ABCA12: variants seen among roughly 807,000 people sequenced by gnomAD.
The protein encoded by ABCA12 is ATP binding cassette subfamily A member 12.
ABCA12 carries 156 observed loss-of-function variants against 293.5 expected under a neutral mutation model. That is an observed-to-expected ratio of 0.53 (90% CI 0.47 to 0.61). The LOEUF is 0.61. ABCA12 is among the 20% of genes least tolerant of loss of function. The pLI is 0.00. For synonymous variants in ABCA12, 1,063 were observed against 1,108.0 expected (o/e 0.96, Z 0.81); for missense variants, 2,797 against 3,090.2 (o/e 0.91, Z 2.25).
intron 39 of ABCA12, chr2:214,962,609 A>G (rs1425367974): frequency 6.6e-6 from 1 of 152,182 alleles, no homozygotes; most frequent in Non-Finnish European, 1.5e-5. Flanking sequence ...AAAACAACAG[A>G]ATGTACATTT....
chr2:215,032,706 T>C (rs1700905701), intron 8 of ABCA12: 1 of 152,006 alleles, frequency 6.6e-6, no homozygotes, highest in Non-Finnish European at 1.5e-5. Context: ...TTCAGCTCCT[T>C]TAGGGAAATG....
In ABCA12 at chr2:214,944,944, T is replaced by C. The variant is rs1249095071; in HGVS notation, c.7343+57A>G. ...ATTTATGTTATACAGGATTACCTTT[T>C]CCCACCTGTCATCCTAAGACTGTGT... is the stretch of plus-strand genomic sequence containing the variant. On this transcript the variant is annotated intron_variant, in intron 49 of 52. Transcript: ENST00000272895. 4.3e-6 allele frequency: 6 copies of C among 1,399,354 alleles called. No homozygotes were observed. The Admixed American group carries it at 1.0e-4, about 24-fold the overall frequency. 86.7% of individuals were successfully genotyped at this position (1,399,354 alleles called of 1,614,324 possible). A position where few individuals can be genotyped will look rare whatever the true frequency, so the allele number is the denominator to read the frequency against.
rs753476988 is a variant in ABCA12 at position 215,049,645 on chromosome 2, A to G, written c.674T>C (p.Leu225Pro). Residue 225 changes from leucine to proline, a missense_variant, in exon 6 of 53, where the codon CTA becomes CCA. By Grantham distance (98) the Leu-to-Pro change is moderately conservative. Around this residue, in one of 3 missense-constraint regions of ABCA12, gnomAD observed 656 missense variants for 638.2 expected, o/e 1.03. Coordinates refer to ENST00000272895, the MANE Select transcript of ABCA12 (RefSeq NM_173076.3). ...MTLLESSLQE[L>P]NKQFSQLSSD... ...ACTCACCTGGGAGAACTGTTTGTTTAGTTCTTGGAGAGAAGACTCTAAAAG... is the reference window on the plus strand; with the variant it reads ...ACTCACCTGGGAGAACTGTTTGTTTGGTTCTTGGAGAGAAGACTCTAAAAG... The G allele has an allele frequency of 1.4e-5, 22 of 1,613,300 alleles. No homozygotes were observed. The Admixed American group carries it at 3.5e-4, about 26-fold the overall frequency.
At position 214,937,729 on chromosome 2, in the gene ABCA12, A is replaced by G. The variant is rs938083757; in HGVS notation, c.7437-114T>C. ...CCAACCATTATATCACCTTTTCTTTATATGAAGACTATCATTTTGCCATAA... is the reference window on the plus strand; with the variant it reads ...CCAACCATTATATCACCTTTTCTTTGTATGAAGACTATCATTTTGCCATAA... On this transcript the variant is annotated intron_variant, in intron 50 of 52. Transcript: ENST00000272895. 5.8e-5 allele frequency: 43 copies of G among 738,420 alleles called. 1 individual carries two copies. The highest frequency in any genetic ancestry group is 3.6e-4 in the Middle Eastern group (1 of 2,748). 45.7% of individuals were successfully genotyped at this position (738,420 alleles called of 1,614,324 possible). A position where few individuals can be genotyped will look rare whatever the true frequency, so the allele number is the denominator to read the frequency against.
At chr2:215,020,342 G>A (rs1004145038) in intron 11 of ABCA12, among the ~76,000 whole-genome samples, 8 of 149,832 alleles carry the variant, frequency 5.3e-5, no homozygotes, top group Admixed American at 5.3e-4. Flanking sequence ...ACCTTAAAAA[G>A]GAAAGAAATT....
rs1701592505 is a variant in ABCA12 at position 215,064,169 on chromosome 2, G to C, written c.214C>G (p.Gln72Glu). The change falls in exon 3 of 53, where the codon CAG becomes GAG. Residue 72 changes from glutamine to glutamate, a missense_variant. Around this residue, in one of 3 missense-constraint regions of ABCA12, gnomAD observed 656 missense variants for 638.2 expected, o/e 1.03. Transcript: ENST00000272895. ...LPSTGFFPFL[Q>E]TLLCDTDSKC... ...GAGTCTGTGTCACAGAGTAGGGTCT[G>C]CAGGAATGGAAAGAATCCAGTACTA... 1 of 1,612,714 alleles carries C rather than the reference G, an allele frequency of 6.2e-7. No homozygotes were observed. Among genetic ancestry groups the C allele is most frequent in the Non-Finnish European group, 8.5e-7 (1 of 1,179,228 alleles).
At chr2:215,103,900 T>G (rs1348228238) in intron 2 of ABCA12, among the ~76,000 whole-genome samples, 1 of 152,096 alleles carries the variant, frequency 6.6e-6, no homozygotes, top group African/African-American at 2.4e-5. Context: ...GGCAGGAGAA[T>G]CACTTGAACC....
At chr2:215,048,961 G>A (rs11889470) in intron 6 of ABCA12, among the ~76,000 whole-genome samples, 9,124 of 152,058 alleles carry the variant, frequency 0.06, 877 homozygotes, top group African/African-American at 0.2. Context: ...ACGAGAACAC[G>A]TGGACACAAA....
At chr2:215,130,073 C>G (rs922737605) in intron 1 of ABCA12, among the ~76,000 whole-genome samples, 1 of 152,010 alleles carries the variant, frequency 6.6e-6, no homozygotes, top group Non-Finnish European at 1.5e-5. Flanking sequence ...CTATTCTGTT[C>G]CATTGATCTG....
At chr2:215,137,859 T>C (rs1703263981) in intron 1 of ABCA12, among the ~76,000 whole-genome samples, 1 of 152,190 alleles carries the variant, frequency 6.6e-6, no homozygotes, top group African/African-American at 2.4e-5. Flanking sequence ...AATTCAACGT[T>C]CCAGTTCAGC....
chr2:214,998,816 T>C lies in ABCA12; in HGVS notation c.3180-1007A>G, dbSNP rs1051195476. On this transcript the variant is annotated intron_variant, in intron 22 of 52. Coordinates refer to ENST00000272895, the MANE Select transcript of ABCA12 (RefSeq NM_173076.3). ...ACCTTAGGAGCCATGGTTCTGACAA[T>C]TGATGCCCTTATTTGAGCTGAGGCA... 1.4e-4 allele frequency among the ~76,000 whole-genome samples: 21 copies of C among 152,162 alleles called. 1 individual carries two copies. Among genetic ancestry groups the C allele is most frequent in the African/African-American group, 2.9e-4 (12 of 41,440 alleles).
intron 49 of ABCA12, 142 bp downstream of exon 49, chr2:214,944,859 T>C: frequency 3.2e-6 from 2 of 632,420 alleles, no homozygotes; most frequent in South Asian, 3.8e-5. Context: ...TGTGTGTATA[T>C]ATTTTGTATG....
Position 214,982,389 on chromosome 2 carries a change from A to T in ABCA12, c.4383-6T>A. ...GTCCAGTATCTTTTAAAGTCCTTCA[A>T]AAATAATGTATGATGGTTATTTTTT... On this transcript the variant is annotated splice_polypyrimidine_tract_variant and splice_region_variant and intron_variant, in intron 29 of 52. Transcript: ENST00000272895. 1.2e-6 allele frequency: 2 copies of T among 1,610,864 alleles called. No homozygotes were observed. The highest frequency in any genetic ancestry group is 1.7e-6 in the Non-Finnish European group (2 of 1,177,398).
At chr2:215,123,198 G>A (rs538882142) in intron 1 of ABCA12, among the ~76,000 whole-genome samples, 22 of 151,806 alleles carry the variant, frequency 1.4e-4, no homozygotes, top group Non-Finnish European at 3.1e-4. Context: ...TTTTAAGATG[G>A]AGTTTTGCTC....
At chr2:215,016,633 A>G (rs956214741) in intron 14 of ABCA12, among the ~76,000 whole-genome samples, 3 of 140,220 alleles carry the variant, frequency 2.1e-5, no homozygotes, top group Non-Finnish European at 3.1e-5. Context: ...TCCCTTTAAA[A>G]TCTCACTCTT....
intron 39 of ABCA12, among the ~76,000 whole-genome samples, chr2:214,963,765 C>T (rs961327671): frequency 6.6e-6 from 1 of 151,094 alleles, no homozygotes; most frequent in Non-Finnish European, 1.5e-5. Context: ...ACTAAAAATA[C>T]AAAAAATTAG....
rs920187017 is a variant in ABCA12, at chr2:214,942,867, G to A, written c.7436+58C>T. ...GCTGAGATAATCCTTGAATCTGAGT[G>A]AGCACCATTAGATAGATGACCCAAC... On this transcript the variant is annotated intron_variant, in intron 50 of 52. Coordinates refer to ENST00000272895, the MANE Select transcript of ABCA12 (RefSeq NM_173076.3). The A allele has an allele frequency of 5.6e-6, 8 of 1,434,874 alleles. No homozygotes were observed. The African/African-American group carries it at 1.1e-4, about 20-fold the overall frequency. 88.9% of individuals were successfully genotyped at this position (1,434,874 alleles called of 1,614,324 possible).
chr2:215,066,686 G>T (rs917430246), intron 2 of ABCA12, among the ~76,000 whole-genome samples: 4 of 152,086 alleles, frequency 2.6e-5, no homozygotes, highest in Non-Finnish European at 5.9e-5. Context: ...GCTTTGCACA[G>T]TTTTTTGATA....
intron 7 of ABCA12, among the ~76,000 whole-genome samples, chr2:215,039,733 C>T (rs995387951): frequency 2.0e-5 from 3 of 151,572 alleles, no homozygotes; most frequent in African/African-American, 4.9e-5. Flanking sequence ...CCAGCCTGGG[C>T]AACAGAGCAA....
Sources: allele counts gnomAD v4.1 joint callset (sites outside exome capture counted in the v4.1 genomes callset), GRCh38; gene constraint gnomAD v4.1.1; regional missense constraint gnomAD v4.1.1; transcripts MANE v1.5; gene names NCBI Gene and HGNC (gene_info 2026-07-23, HGNC 2026-07-21).